Variants in NCAM2 observed in about 807,000 individuals in gnomAD.
NCAM2 encodes N-CAM-2.
NCAM2 carries 30 observed loss-of-function variants against 98.1 expected under a neutral mutation model. The ratio of observed to expected loss-of-function variants is 0.31; its 90% CI spans 0.23 to 0.41. The LOEUF is 0.41. Ranked by LOEUF, NCAM2 falls within the 10% of genes least tolerant of loss-of-function variation. NCAM2 has a pLI of 1.00. For synonymous variants in NCAM2, 368 were observed against 342.4 expected (o/e 1.07, Z -0.83); for missense variants, 867 against 1,005.8 (o/e 0.86, Z 1.87).
intron 1 of NCAM2, among the ~76,000 whole-genome samples, chr21:21,245,817 A>G (rs1181787599): frequency 6.6e-6 from 1 of 151,434 alleles, no homozygotes; most frequent in Non-Finnish European, 1.5e-5. Flanking sequence ...GAGATGGTAG[A>G]GAGATAAATG....
At chr21:21,184,366 G>T (rs1429269832) in intron 1 of NCAM2, among the ~76,000 whole-genome samples, 3 of 151,980 alleles carry the variant, frequency 2.0e-5, no homozygotes, top group South Asian at 4.2e-4. Flanking sequence ...TTCAAAGAGT[G>T]TTGAACATTC....
chr21:21,235,256 TAATG>T (rs1299703664), intron 1 of NCAM2, among the ~76,000 whole-genome samples: 1 of 152,018 alleles, frequency 6.6e-6, no homozygotes, highest in East Asian at 1.9e-4. Flanking sequence ...TATAAGAACT[TAATG>T]AAATGAGTTA....
intron 9 of NCAM2, among the ~76,000 whole-genome samples, chr21:21,399,171 GTACA>G (rs1454407297): frequency 6.6e-6 from 1 of 152,138 alleles, no homozygotes; most frequent in African/African-American, 2.4e-5. Context: ...TGGTTAATTT[GTACA>G]TACTTTTCCT....
intron 9 of NCAM2, among the ~76,000 whole-genome samples, chr21:21,391,563 A>G (rs994230778): frequency 6.6e-6 from 1 of 152,200 alleles, no homozygotes; most frequent in South Asian, 2.1e-4. Context: ...ATGTGATATT[A>G]AAACATACAT....
intron 1 of NCAM2, among the ~76,000 whole-genome samples, chr21:21,133,000 A>G (rs560456494): frequency 1.3e-5 from 2 of 152,300 alleles, no homozygotes; most frequent in African/African-American, 4.8e-5. Context: ...ACGTGTTTTT[A>G]TAATATAAAT....
At chr21:21,070,128 A>G (rs1464749428) in intron 1 of NCAM2, among the ~76,000 whole-genome samples, 6 of 152,118 alleles carry the variant, frequency 3.9e-5, no homozygotes, top group Non-Finnish European at 7.4e-5. Context: ...AATAGATTTC[A>G]CAGAACCAGG....
At position 21,105,981 on chromosome 21, in the gene NCAM2, A is replaced by G. The variant is rs73332342; in HGVS notation, c.55+107363A>G. ...CATGTTCCAAGAGGGTATGTTTATC[A>G]TTAATCTATATATATAAGTGTAAAA... is the stretch of plus-strand genomic sequence containing the variant. On this transcript the variant is annotated intron_variant, in intron 1 of 17. Transcript: ENST00000400546. 4.1e-3 allele frequency among the ~76,000 whole-genome samples: 623 copies of G among 152,224 alleles called. 8 individuals are homozygous for G. Among genetic ancestry groups the G allele is most frequent in the African/African-American group, 0.014 (586 of 41,540 alleles).
Position 21,480,366 on chromosome 21 carries a change from C to CAAAA in NCAM2, c.2077+2913_2077+2916dup, listed in dbSNP as rs59203448. ...TGGGCGACAGAGCGAGACTCCATCT[C>CAAAA]AAAAAAAAAAAAAAAAAAAAAGAAT... is the stretch of plus-strand genomic sequence containing the variant. On this transcript the variant is annotated intron_variant, in intron 15 of 17. Transcript: ENST00000400546. Among the ~76,000 whole-genome samples the CAAAA allele has an allele frequency of 6.3e-4, 44 of 69,916 alleles. 2 individuals are homozygous for CAAAA. Among genetic ancestry groups the CAAAA allele is most frequent in the African/African-American group, 2.1e-3 (35 of 16,684 alleles). The allele number at this position is 69,916 out of a possible 152,430, so 45.9% of individuals were successfully genotyped here.
In NCAM2 at chr21:21,063,210, CTTTTTTTTTTTTTT is replaced by C. The variant is rs11325446; in HGVS notation, c.55+64607_55+64620del. ...TCATAGCACTGTTTATCTTTACATT[CTTTTTTTTTTTTTT>C]TTTTTTTTTTTTTTGAGCCGGAGTC... On this transcript the variant is annotated intron_variant, in intron 1 of 17. Coordinates refer to ENST00000400546, the MANE Select transcript of NCAM2 (RefSeq NM_004540.5). 2.9e-4 allele frequency among the ~76,000 whole-genome samples: 19 copies of C among 66,116 alleles called. No homozygotes were observed. In the South Asian group the frequency reaches 8.1e-3, roughly 28 times the overall value. 43.4% of individuals were successfully genotyped at this position (66,116 alleles called of 152,430 possible).
intron 12 of NCAM2, among the ~76,000 whole-genome samples, chr21:21,466,178 T>C (rs1983655668): frequency 1.3e-5 from 2 of 152,038 alleles, no homozygotes; most frequent in Non-Finnish European, 2.9e-5. Flanking sequence ...TCACCTGACA[T>C]TGGAAGCCAA....
intron 1 of NCAM2, among the ~76,000 whole-genome samples, chr21:21,081,141 T>C (rs2065789552): frequency 6.6e-6 from 1 of 152,106 alleles, no homozygotes; most frequent in Non-Finnish European, 1.5e-5. Context: ...ATGCACAGTG[T>C]GTTTACTAGA....
In NCAM2 at chr21:21,356,833, A is replaced by C. The variant is rs551850329; in HGVS notation, c.1045-17030A>C. Among the ~76,000 whole-genome samples the C allele has an allele frequency of 4.6e-5, 7 of 152,196 alleles. No homozygotes were observed. The East Asian group carries it at 1.4e-3, about 29-fold the overall frequency. ...TGGAGAAATCCCATCTCTACTAAAA[A>C]TACAAAATTAGCAGGGCGTGGTGGC... is the stretch of plus-strand genomic sequence containing the variant. On this transcript the variant is annotated intron_variant, in intron 8 of 17. Coordinates refer to ENST00000400546, the MANE Select transcript of NCAM2 (RefSeq NM_004540.5).
chr21:21,065,083 G>C (rs1028938589), intron 1 of NCAM2, among the ~76,000 whole-genome samples: 2 of 152,028 alleles, frequency 1.3e-5, no homozygotes, highest in African/African-American at 4.8e-5. Flanking sequence ...AGGAGCCTGA[G>C]GCAGGAGAAT....
chr21:21,072,647 A>T (rs1365575886), intron 1 of NCAM2, among the ~76,000 whole-genome samples: 2 of 152,154 alleles, frequency 1.3e-5, no homozygotes, highest in Non-Finnish European at 2.9e-5. Flanking sequence ...AAACATGGAA[A>T]TTCTGCTTGT....
intron 4 of NCAM2, among the ~76,000 whole-genome samples, chr21:21,291,205 GA>G (rs774500627): frequency 6.6e-6 from 1 of 151,872 alleles, no homozygotes; most frequent in Non-Finnish European, 1.5e-5. Context: ...AATAGTCAAT[GA>G]GATCTATGGA....
chr21:21,062,226 G>C (rs2146332081), intron 1 of NCAM2, among the ~76,000 whole-genome samples: 1 of 152,118 alleles, frequency 6.6e-6, no homozygotes, highest in South Asian at 2.1e-4. Context: ...AAGGATAGTG[G>C]GATATATTTA....
intron 1 of NCAM2, among the ~76,000 whole-genome samples, chr21:21,230,990 G>A (rs562925435): frequency 6.6e-6 from 1 of 151,338 alleles, no homozygotes; most frequent in East Asian, 1.9e-4. Flanking sequence ...ACGTATTTCC[G>A]AGGACATTAC....
At chr21:21,142,675 A>C (rs909840636) in intron 1 of NCAM2, among the ~76,000 whole-genome samples, 2 of 152,020 alleles carry the variant, frequency 1.3e-5, no homozygotes, top group Non-Finnish European at 2.9e-5. Flanking sequence ...CACTGCGCCC[A>C]GCCTTGACCA....
intron 1 of NCAM2, among the ~76,000 whole-genome samples, chr21:21,154,919 G>T (rs1457189364): frequency 6.6e-6 from 1 of 151,844 alleles, no homozygotes; most frequent in Non-Finnish European, 1.5e-5. Flanking sequence ...AGTAGTAGTG[G>T]CAGGGAGTGG....
Sources: allele counts gnomAD v4.1 joint callset (sites outside exome capture counted in the v4.1 genomes callset), GRCh38; gene constraint gnomAD v4.1.1; transcripts MANE v1.5; gene names NCBI Gene and HGNC (gene_info 2026-07-23, HGNC 2026-07-21).